The following HIP1 variants were observed in gnomAD, a reference collection of about 807,000 sequenced individuals.
HIP1 encodes the protein huntingtin-interacting protein 1.
HIP1 carries 65 observed loss-of-function variants against 147.6 expected under a neutral mutation model. The observed-to-expected ratio is 0.44, with a 90% CI of 0.36 to 0.54. The LOEUF (loss-of-function observed/expected upper bound fraction) is 0.54. Among genes scored for constraint, HIP1 ranks in the 20% least tolerant of loss-of-function variants. The probability of loss-of-function intolerance (pLI) is 0.00; values close to 1 mark genes in which losing one functional copy is unlikely to be tolerated. For synonymous variants in HIP1, 479 were observed against 504.0 expected, an observed-to-expected ratio of 0.95 and a Z score of 0.67; for missense variants, 1,061 against 1,299.6, an observed-to-expected ratio of 0.82 and a Z score of 2.82.
At chr7:75,544,411 T>C (rs397832789) in intron 27 of HIP1, among the ~76,000 whole-genome samples, 588 of 30,204 alleles carry the variant, frequency 0.019, 3 homozygotes, top group African/African-American at 0.091. Flanking sequence ...AGCCAAGTAC[T>C]CTCTAACCTA....
At chr7:75,720,063 G>A (rs1037233035) in intron 1 of HIP1, among the ~76,000 whole-genome samples, 3 of 152,198 alleles carry the variant, frequency 2.0e-5, no homozygotes, top group Non-Finnish European at 2.9e-5. Flanking sequence ...GGTGGAAGAC[G>A]ATAGAGACGA....
intron 21 of HIP1, 120 bp downstream of exon 21, chr7:75,553,993 C>T (rs1157583090): frequency 4.4e-6 from 3 of 686,778 alleles, no homozygotes; most frequent in Admixed American, 2.5e-5. Context: ...GATCTGCCCG[C>T]CTCAGCCTCC....
intron 1 of HIP1, among the ~76,000 whole-genome samples, chr7:75,657,168 C>T (rs781999402): frequency 5.3e-5 from 8 of 152,286 alleles, no homozygotes; most frequent in Non-Finnish European, 1.0e-4. Context: ...AACCCAGGTG[C>T]CCATCCATGG....
intron 1 of HIP1, among the ~76,000 whole-genome samples, chr7:75,676,037 G>A (rs564439386): frequency 6.6e-6 from 1 of 152,042 alleles, no homozygotes; most frequent in African/African-American, 2.4e-5. Context: ...TTCAAAACCG[G>A]ACATTTCAAA....
chr7:75,570,948 T>C (rs1042049084), intron 8 of HIP1, among the ~76,000 whole-genome samples: 1 of 152,034 alleles, frequency 6.6e-6, no homozygotes, highest in Non-Finnish European at 1.5e-5. Context: ...AGATGGAGGT[T>C]GCAGTGGGAT....
intron 2 of HIP1, among the ~76,000 whole-genome samples, chr7:75,597,326 T>C (rs1416984631): frequency 6.6e-6 from 1 of 152,086 alleles, no homozygotes; most frequent in Non-Finnish European, 1.5e-5. Context: ...CCTCTAGGGG[T>C]TGAGGCTAGA....
intron 1 of HIP1, among the ~76,000 whole-genome samples, chr7:75,656,273 T>C (rs1425768340): frequency 6.6e-6 from 1 of 152,020 alleles, no homozygotes; most frequent in African/African-American, 2.4e-5. Context: ...TCTATATATT[T>C]ATCAGAATTT....
intron 1 of HIP1, 85 bp from the exon 2 acceptor site, chr7:75,599,332 C>T: frequency 1.9e-6 from 2 of 1,041,734 alleles, no homozygotes; most frequent in Non-Finnish European, 3.0e-6. Flanking sequence ...ATGCCCGCCC[C>T]TTTCTCCTCC....
chr7:75,598,070 G>A (rs1796817174), intron 2 of HIP1, among the ~76,000 whole-genome samples: 2 of 152,144 alleles, frequency 1.3e-5, no homozygotes, highest in Non-Finnish European at 2.9e-5. Context: ...GTTCACGAAG[G>A]TAGAGAGCCC....
intron 1 of HIP1, among the ~76,000 whole-genome samples, chr7:75,640,760 ATAAT>A (rs879956916): frequency 0.028 from 2,976 of 104,498 alleles, 67 homozygotes; most frequent in African/African-American, 0.079. Context: ...CTCAATAATA[ATAAT>A]AATAATAATA....
intron 1 of HIP1, among the ~76,000 whole-genome samples, chr7:75,652,434 A>G (rs1373991668): frequency 1.3e-5 from 2 of 151,998 alleles, no homozygotes; most frequent in Admixed American, 6.6e-5. Flanking sequence ...TGCGATTATA[A>G]CTCACTGCAG....
At chr7:75,672,227 G>C (rs184465120) in intron 1 of HIP1, among the ~76,000 whole-genome samples, 3 of 151,314 alleles carry the variant, frequency 2.0e-5, no homozygotes, top group Admixed American at 6.6e-5. Flanking sequence ...TTGTTATTGA[G>C]TTTTAGGAAT....
At chr7:75,547,570 T>C (rs1008353491) in intron 24 of HIP1, among the ~76,000 whole-genome samples, 185 bp downstream of exon 24, 2 of 152,010 alleles carry the variant, frequency 1.3e-5, no homozygotes, top group Admixed American at 6.6e-5. Context: ...GCGGGTTTCT[T>C]TTCTATAGTG....
At chr7:75,558,093 A>G (rs1795086257) in intron 15 of HIP1, 74 bp downstream of exon 15, 6 of 1,229,560 alleles carry the variant, frequency 4.9e-6, no homozygotes, top group Non-Finnish European at 6.0e-6. Context: ...GCCCCGGGGA[A>G]GCCACAGGCC....
chr7:75,623,885 T>G (rs1193330797), intron 1 of HIP1, among the ~76,000 whole-genome samples: 7 of 152,088 alleles, frequency 4.6e-5, no homozygotes, highest in Non-Finnish European at 1.5e-5. Flanking sequence ...TGGGGAGTAG[T>G]GAGACCCTAT....
intron 1 of HIP1, among the ~76,000 whole-genome samples, chr7:75,639,381 C>T (rs1323811106): frequency 6.7e-6 from 1 of 150,114 alleles, no homozygotes; most frequent in Non-Finnish European, 1.5e-5. Context: ...CGGGAAATCC[C>T]GGAATCAGCT....
At chr7:75,611,971 T>C (rs1797453739) in intron 1 of HIP1, 2 of 703,108 alleles carry the variant, frequency 2.8e-6, no homozygotes, top group Non-Finnish European at 1.8e-6. Flanking sequence ...CTGGCCTTGC[T>C]TGTGTGGGGA....
chr7:75,683,050 T>C (rs1461671180), intron 1 of HIP1, among the ~76,000 whole-genome samples: 1 of 152,032 alleles, frequency 6.6e-6, no homozygotes, highest in African/African-American at 2.4e-5. Context: ...TGGTGCGATC[T>C]CGGCTCACTG....
At chr7:75,551,266 C>T (rs1794773574) in intron 22 of HIP1, among the ~76,000 whole-genome samples, 1 of 126,360 alleles carries the variant, frequency 7.9e-6, no homozygotes, top group South Asian at 2.7e-4. Flanking sequence ...GGTGCAATCT[C>T]GGCTCACTGC....
Sources: gnomAD v4.1 joint callset for allele counts (sites outside exome capture counted in the v4.1 genomes callset) on GRCh38, gnomAD v4.1.1 for gene constraint, MANE v1.5 for transcripts, NCBI Gene and HGNC (gene_info 2026-07-23, HGNC 2026-07-21) for gene names.